GINS2: variants seen among roughly 807,000 people sequenced by gnomAD.
GINS2 encodes the protein GINS complex subunit 2.
In GINS2, 23 loss-of-function variants were observed where a neutral mutation model predicts 21.2. That is an observed-to-expected ratio of 1.08 (90% CI 0.78 to 1.53). GINS2 has a LOEUF of 1.53. Among genes scored for constraint, GINS2 ranks in the 40% most tolerant of loss-of-function variants. The probability of loss-of-function intolerance (pLI) is 0.00; values close to 1 mark genes in which losing one functional copy is unlikely to be tolerated. For missense variants in GINS2, 323 were observed against 233.9 expected, an observed-to-expected ratio of 1.38 and a Z score of -2.49; for synonymous variants, 118 against 85.6, an observed-to-expected ratio of 1.38 and a Z score of -2.09.
chr16:85,686,365 C>T lies in GINS2; in HGVS notation c.205+1095G>A, dbSNP rs567796561. The stretch of plus-strand genomic sequence containing the variant: ...CCCAGGAGGTGGAGCTTGCAGTGAG[C>T]CGAGATCGCACCACTGCACTCCAGC... On this transcript the variant is annotated intron_variant, in intron 2 of 4. Transcript: ENST00000253462. Among the ~76,000 whole-genome samples, 50 of 151,822 alleles carry T rather than the reference C, an allele frequency of 3.3e-4. 1 individual carries two copies. In the South Asian group the frequency reaches 0.01, roughly 30 times the overall value.
intron 2 of GINS2, among the ~76,000 whole-genome samples, chr16:85,684,062 G>C (rs1404938738): frequency 1.3e-5 from 2 of 152,196 alleles, no homozygotes; most frequent in South Asian, 2.1e-4. Flanking sequence ...ATTAAGAATA[G>C]CCAAAAATGA....
intron 3 of GINS2, among the ~76,000 whole-genome samples, chr16:85,680,147 C>T (rs529604221): frequency 4.6e-5 from 7 of 152,286 alleles, no homozygotes; most frequent in African/African-American, 1.2e-4. Context: ...ACATCTCTCC[C>T]GCACCACACC....
chr16:85,685,924 GAA>G (rs1226894880), intron 2 of GINS2, among the ~76,000 whole-genome samples: 1 of 136,114 alleles, frequency 7.3e-6, no homozygotes, highest in Non-Finnish European at 1.6e-5. Context: ...TCCATAAAAA[GAA>G]AAAAAAAAAA....
In GINS2 at chr16:85,678,082, G is replaced by C. The variant is rs3751717; in HGVS notation, c.*130C>G. 3 of 788,294 alleles carry C rather than the reference G, an allele frequency of 3.8e-6. No individual in the cohort carries two copies. Among genetic ancestry groups the C allele is most frequent in the Non-Finnish European group, 2.1e-6 (1 of 481,542 alleles). The allele number at this position is 788,294 out of a possible 1,614,324, so 48.8% of individuals were successfully genotyped here. A position where few individuals can be genotyped will look rare whatever the true frequency, so the allele number is the denominator to read the frequency against. On this transcript the variant is annotated 3_prime_UTR_variant, in exon 5 of 5. Transcript: ENST00000253462. ...AAACTTGTTTCTCCAACAACATCCTGAATCCATTCCTTGCACCATCACACA... is the reference window on the plus strand; with the variant it reads ...AAACTTGTTTCTCCAACAACATCCTCAATCCATTCCTTGCACCATCACACA...
Position 85,678,186 on chromosome 16 carries a change from G to T in GINS2, c.*26C>A, listed in dbSNP as rs773475629. Reference sequence around the variant, plus strand: ...ACGTCCTGAGCGCTCACATCCCCCAGCAAGCCGCCTGCACCAGGCCTTTCT... The same window carrying T: ...ACGTCCTGAGCGCTCACATCCCCCATCAAGCCGCCTGCACCAGGCCTTTCT... On this transcript the variant is annotated 3_prime_UTR_variant, in exon 5 of 5. Transcript: ENST00000253462. 1 of 1,609,514 alleles carries T rather than the reference G, an allele frequency of 6.2e-7. No individual in the cohort carries two copies. Among genetic ancestry groups the T allele is most frequent in the Admixed American group, 1.7e-5 (1 of 59,624 alleles).
intron 3 of GINS2, among the ~76,000 whole-genome samples, chr16:85,680,853 T>C (rs2053726280): frequency 6.6e-6 from 1 of 152,090 alleles, no homozygotes; most frequent in Non-Finnish European, 1.5e-5. Context: ...AAAAGAGCTG[T>C]AGAGAGGGTG....
rs56405044 is a variant in GINS2 at position 85,685,685 on chromosome 16, A to AAAAAAAAAAAAAAAAAAAAAAAAAAAAC, written c.205+1774_205+1775insGTTTTTTTTTTTTTTTTTTTTTTTTTTT. On this transcript the variant is annotated intron_variant, in intron 2 of 4. Transcript: ENST00000253462. The stretch of plus-strand genomic sequence containing the variant: ...GACCCTTTCTCAAAAAAAAAAAAAA[A>AAAAAAAAAAAAAAAAAAAAAAAAAAAAC]AAAAAACCGTCTCAAAGCAGAGGAA... Among the ~76,000 whole-genome samples the AAAAAAAAAAAAAAAAAAAAAAAAAAAAC allele has an allele frequency of 4.5e-4, 54 of 120,964 alleles. 5 individuals are homozygous for AAAAAAAAAAAAAAAAAAAAAAAAAAAAC. The highest frequency in any genetic ancestry group is 8.1e-4 in the Non-Finnish European group (42 of 51,850). The allele number at this position is 120,964 out of a possible 152,430, so 79.4% of individuals were successfully genotyped here.
intron 1 of GINS2, 131 bp from the exon 2 acceptor site, chr16:85,687,705 A>G (rs932651701): frequency 7.2e-6 from 4 of 552,220 alleles, no homozygotes; most frequent in African/African-American, 2.0e-5. Context: ...TAAAAACCCA[A>G]CTGTTACCAG....
In GINS2 at chr16:85,678,241, G is replaced by A; in HGVS notation, c.529C>T (p.Leu177=). The change falls in exon 5 of 5, where the codon CTG becomes TTG. Residue 177 remains leucine (L), a synonymous_variant. Coordinates refer to ENST00000253462, the MANE Select transcript of GINS2 (RefSeq NM_016095.3). The part of the protein sequence containing the change: ...MYKLRTNLQP[L]ESTQSQDF Reference sequence around the variant, plus strand: ...AAGTCCTGAGACTGAGTACTCTCCAGAGGCTGGAGGTTCGTGCGGAGTTTG... The same window carrying A: ...AAGTCCTGAGACTGAGTACTCTCCAAAGGCTGGAGGTTCGTGCGGAGTTTG... 1.2e-6 allele frequency: 2 copies of A among 1,613,800 alleles called. No individual in the cohort carries two copies. The highest frequency in any genetic ancestry group is 1.7e-6 in the Non-Finnish European group (2 of 1,179,874).
rs951242454 is a variant in GINS2, at chr16:85,677,978, G to A, written c.*234C>T. The A allele has an allele frequency of 2.2e-6, 1 of 461,352 alleles. No homozygotes were observed. Among genetic ancestry groups the A allele is most frequent in the Non-Finnish European group, 3.9e-6 (1 of 259,448 alleles). 28.6% of individuals were successfully genotyped at this position (461,352 alleles called of 1,614,324 possible). A position where few individuals can be genotyped will look rare whatever the true frequency, so the allele number is the denominator to read the frequency against. ...AGGCTTTTTTATTTCTCAAAAGTGG[G>A]GGGAAAAAGGGCTGGTTTCTAGAAA... On this transcript the variant is annotated 3_prime_UTR_variant, in exon 5 of 5. Coordinates refer to ENST00000253462, the MANE Select transcript of GINS2 (RefSeq NM_016095.3).
chr16:85,679,774 C>G (rs555187906), intron 3 of GINS2, among the ~76,000 whole-genome samples: 69 of 152,296 alleles, frequency 4.5e-4, no homozygotes, highest in Middle Eastern at 3.4e-3. Context: ...GTTTATAGAT[C>G]CTCTCCCTTC....
In GINS2 at chr16:85,688,839, G is replaced by C. The variant is rs1480395548; in HGVS notation, c.60C>G (p.Asn20Lys). ...AEKELVTIIP[N>K]FSLDKIYLIG... ...TGAGGTAGATCTTGTCCAGACTGAA[G>C]TTGGGGATAATGGTAACCAGCTCCT... The change falls in exon 1 of 5, where the codon AAC becomes AAG. Residue 20 changes from asparagine (N) to lysine (K), a missense_variant. By Grantham distance (94) the Asn-to-Lys change is moderately conservative. Coordinates refer to ENST00000253462, the MANE Select transcript of GINS2 (RefSeq NM_016095.3). The C allele has an allele frequency of 3.2e-6, 5 of 1,545,364 alleles. No homozygotes were observed. In the Admixed American group the frequency reaches 5.9e-5, roughly 18 times the overall value.
In GINS2 at chr16:85,676,489, C is replaced by CA. The variant is rs1357636473; in HGVS notation, c.*1722dup. On this transcript the variant is annotated 3_prime_UTR_variant, in exon 5 of 5. Coordinates refer to ENST00000253462, the MANE Select transcript of GINS2 (RefSeq NM_016095.3). ...ACCTCATCTTTTGGTCCCAGTCTTC[C>CA]AGGTCTGACCCTTCAGTGTCCAAAT... 3 of 152,244 alleles carry CA rather than the reference C, an allele frequency of 2.0e-5. No homozygotes were observed. Among genetic ancestry groups the CA allele is most frequent in the African/African-American group, 7.2e-5 (3 of 41,452 alleles). The allele number at this position is 152,244 out of a possible 1,614,324, so 9.4% of individuals were successfully genotyped here.
intron 4 of GINS2, 40 bp from the exon 5 acceptor site, chr16:85,678,377 T>A: frequency 6.2e-7 from 1 of 1,609,256 alleles, no homozygotes; most frequent in Non-Finnish European, 8.5e-7. Flanking sequence ...AAGGAGTTTT[T>A]GATTTTGAGA....
At chr16:85,687,673 G>T in intron 1 of GINS2, 99 bp from the exon 2 acceptor site, 1 of 647,732 alleles carries the variant, frequency 1.5e-6, no homozygotes, top group Non-Finnish European at 2.6e-6. Context: ...CATTGCAGAG[G>T]CTGAAGTCCA....
Position 85,678,509 on chromosome 16 carries a change from G to A in GINS2, c.432+31C>T, listed in dbSNP as rs1346683941. The A allele has an allele frequency of 1.9e-6, 3 of 1,607,046 alleles. No individual in the cohort carries two copies. The African/African-American group carries it at 4.0e-5, about 21-fold the overall frequency. ...CCATGTGAAATTATGCGGCATCAAG[G>A]CCACCAGCACCCAGGCAAGGCGGCA... On this transcript the variant is annotated intron_variant, in intron 4 of 4. Transcript: ENST00000253462.
At chr16:85,686,980 G>T (rs945316380) in intron 2 of GINS2, among the ~76,000 whole-genome samples, 1 of 152,198 alleles carries the variant, frequency 6.6e-6, no homozygotes, top group African/African-American at 2.4e-5. Flanking sequence ...AATCCCAGCA[G>T]ATCTGCCAAG....
rs968658889 is a variant in GINS2 at position 85,677,631 on chromosome 16, T to C, written c.*581A>G. ...CATCTCAGCCACAGGCTCAGTCCTTTTACTTGGTAGTTACGCAGCACAAAA... is the reference window on the plus strand; with the variant it reads ...CATCTCAGCCACAGGCTCAGTCCTTCTACTTGGTAGTTACGCAGCACAAAA... On this transcript the variant is annotated 3_prime_UTR_variant, in exon 5 of 5. Transcript: ENST00000253462. 6.6e-6 allele frequency: 1 copy of C among 152,338 alleles called. No individual in the cohort carries two copies. Among genetic ancestry groups the C allele is most frequent in the Non-Finnish European group, 1.5e-5 (1 of 68,152 alleles). The allele number at this position is 152,338 out of a possible 1,614,324, so 9.4% of individuals were successfully genotyped here. A position where few individuals can be genotyped will look rare whatever the true frequency, so the allele number is the denominator to read the frequency against.
intron 2 of GINS2, among the ~76,000 whole-genome samples, 196 bp downstream of exon 2, chr16:85,687,264 C>T (rs554145577): frequency 6.6e-6 from 1 of 152,248 alleles, no homozygotes; most frequent in Non-Finnish European, 1.5e-5. Flanking sequence ...CCTAACATGA[C>T]ATTACTAACA....
Sources: allele counts gnomAD v4.1 joint callset (sites outside exome capture counted in the v4.1 genomes callset), GRCh38; gene constraint gnomAD v4.1.1; transcripts MANE v1.5; gene names NCBI Gene and HGNC (gene_info 2026-07-23, HGNC 2026-07-21).